Variants in SQSTM1 observed in about 807,000 individuals in gnomAD.
SQSTM1 encodes the protein sequestosome 1, also known as sequestosome-1.
Under a neutral mutation model 45.1 loss-of-function variants are expected in SQSTM1, and 36 were observed. The observed-to-expected ratio is 0.80, with a 90% CI of 0.61 to 1.05. SQSTM1 has a LOEUF of 1.05. Among genes scored for constraint, SQSTM1 ranks in the 50% least tolerant of loss-of-function variants. The probability of loss-of-function intolerance (pLI) is 0.00; values close to 1 mark genes in which losing one functional copy is unlikely to be tolerated. For missense variants in SQSTM1, 617 were observed against 607.1 expected, an observed-to-expected ratio of 1.02 and a Z score of -0.17; for synonymous variants, 290 against 244.3, an observed-to-expected ratio of 1.19 and a Z score of -1.74.
In SQSTM1 at chr5:179,837,415, C is replaced by T. The variant is rs1758635316; in HGVS notation, c.*822C>T. ...ATCACACATCATCATCGAAGTCTTC[C>T]CCAGTTATAAAGAGGTCACATAGTC... On this transcript the variant is annotated 3_prime_UTR_variant, in exon 8 of 8. Transcript: ENST00000389805. The T allele has an allele frequency of 3.8e-6, 6 of 1,596,914 alleles. No individual in the cohort carries two copies. The highest frequency in any genetic ancestry group is 5.1e-6 in the Non-Finnish European group (6 of 1,170,082).
At chr5:179,819,641 C>A (rs992301683), upstream of SQSTM1, among the ~76,000 whole-genome samples, 1 of 152,224 alleles carries the variant, frequency 6.6e-6, no homozygotes, top group Non-Finnish European at 1.5e-5. Context: ...CCAGCACGCC[C>A]CTCTGTGTCC....
chr5:179,823,242 G>A (rs924497481), intron 2 of SQSTM1, among the ~76,000 whole-genome samples, 189 bp downstream of exon 2: 3 of 151,914 alleles, frequency 2.0e-5, no homozygotes, highest in Non-Finnish European at 4.4e-5. Context: ...GAGGCGGGCA[G>A]GTCACCTGAG....
chr5:179,837,283 CAGTA>C lies in SQSTM1; in HGVS notation c.*694_*697del. ...CGTTTGCATAGAGAGAAATGATTGA[CAGTA>C]AGTTTATTGTTAATGGTTCTTACAG... On this transcript the variant is annotated 3_prime_UTR_variant, in exon 8 of 8. Coordinates refer to ENST00000389805, the MANE Select transcript of SQSTM1 (RefSeq NM_003900.5). 1.9e-6 allele frequency: 3 copies of C among 1,607,324 alleles called. No homozygotes were observed. Among genetic ancestry groups the C allele is most frequent in the Non-Finnish European group, 2.5e-6 (3 of 1,178,278 alleles).
rs781043093 is a variant in SQSTM1 at position 179,806,560 on chromosome 5, G to A, written c.-188G>A. On this transcript the variant is annotated 5_prime_UTR_variant, in exon 1 of 6. Transcript: ENST00000514093. The surrounding 1 kb of genome is among the most constrained non-coding windows in gnomAD (Gnocchi z 4.6). ...ACAGGCAGAAGAGCAGCAGCGTCAG[G>A]AAGGTGCCATTGCGGAGCCTCATCT... 9 of 1,311,684 alleles carry A rather than the reference G, an allele frequency of 6.9e-6. No homozygotes were observed. The South Asian group carries it at 1.2e-4, about 17-fold the overall frequency. 81.3% of individuals were successfully genotyped at this position (1,311,684 alleles called of 1,614,324 possible).
In SQSTM1 at chr5:179,836,490, C is replaced by CTGAT; in HGVS notation, c.1221_1224dup (p.Glu409Ter). 1 of 1,614,244 alleles carries CTGAT rather than the reference C, an allele frequency of 6.2e-7. No homozygotes were observed. Among genetic ancestry groups the CTGAT allele is most frequent in the African/African-American group, 1.3e-5 (1 of 75,052 alleles). The stretch of plus-strand genomic sequence containing the variant: ...TCCCAGATGCTGTCCATGGGCTTCT[C>CTGAT]TGATGAAGGCGGCTGGCTCACCAGG... On this transcript the variant is annotated frameshift_variant, in exon 8 of 8. Coordinates refer to ENST00000389805, the MANE Select transcript of SQSTM1 (RefSeq NM_003900.5). LOFTEE classifies it high-confidence loss of function.
chr5:179,809,019 G>A (rs1263231101), intron 1 of SQSTM1, among the ~76,000 whole-genome samples: 2 of 150,318 alleles, frequency 1.3e-5, no homozygotes, highest in Admixed American at 6.6e-5. Context: ...CACCACGCTC[G>A]GCTGATTTTT....
chr5:179,812,566 A>G (rs1234150514), intron 2 of SQSTM1: 1 of 152,188 alleles, frequency 6.6e-6, no homozygotes, highest in African/African-American at 2.4e-5. Context: ...GAGCCCGTCT[A>G]TGGTTTCAGC....
intron 1 of SQSTM1, among the ~76,000 whole-genome samples, chr5:179,809,551 C>T (rs1424494291): frequency 6.7e-6 from 1 of 149,830 alleles, no homozygotes; most frequent in Non-Finnish European, 1.5e-5. Context: ...GTTGGTCAGG[C>T]TGGTCTCAAA....
intron 1 of SQSTM1, chr5:179,821,537 C>T (rs1336639070): frequency 4.2e-6 from 2 of 481,236 alleles, no homozygotes. Flanking sequence ...TACACTGACA[C>T]CTTGCTGCGC....
intron 2 of SQSTM1, chr5:179,823,632 C>T: frequency 3.4e-6 from 2 of 589,004 alleles, no homozygotes; most frequent in South Asian, 4.0e-5. Flanking sequence ...GACAGGGCTC[C>T]TTGCTGCTGC....
At position 179,836,560 on chromosome 5, in the gene SQSTM1, C is replaced by G; in HGVS notation, c.1290C>G (p.Thr430=). ...ATGACATCGGAGCGGCTCTGGACAC[C>G]ATCCAGTATTCAAAGCATCCCCCGC... ...KNYDIGAALD[T]IQYSKHPPPL The change falls in exon 8 of 8, where the codon ACC becomes ACG. Residue 430 remains threonine (T), a synonymous_variant. Coordinates refer to ENST00000389805, the MANE Select transcript of SQSTM1 (RefSeq NM_003900.5). 2 of 1,614,130 alleles carry G rather than the reference C, an allele frequency of 1.2e-6. No individual in the cohort carries two copies. Among genetic ancestry groups the G allele is most frequent in the Non-Finnish European group, 1.7e-6 (2 of 1,180,022 alleles).
At position 179,825,190 on chromosome 5, in the gene SQSTM1, G is replaced by T; in HGVS notation, c.718G>T (p.Val240Phe). Residue 240 changes from valine (V) to phenylalanine (F), a missense_variant, in exon 5 of 8, where the codon GTT (valine) becomes TTT (phenylalanine). Transcript: ENST00000389805. Reference sequence around the variant, plus strand: ...TCCGAGTGTGAATTTCCTGAAGAACGTTGGGGAGAGTGTGGCAGCTGCCCT... The same window carrying T: ...TCCGAGTGTGAATTTCCTGAAGAACTTTGGGGAGAGTGTGGCAGCTGCCCT... ...EDPSVNFLKNVGESVAAALSP... is the reference protein window; with the variant it reads ...EDPSVNFLKNFGESVAAALSP... The T allele has an allele frequency of 1.2e-6, 2 of 1,614,104 alleles. No homozygotes were observed. Among genetic ancestry groups the T allele is most frequent in the Non-Finnish European group, 8.5e-7 (1 of 1,180,040 alleles).
In SQSTM1 at chr5:179,837,400, A is replaced by C. The variant is rs754632178; in HGVS notation, c.*807A>C. On this transcript the variant is annotated 3_prime_UTR_variant, in exon 8 of 8. Transcript: ENST00000389805. ...ACCTGCCAGTCCCAGATCACACATC[A>C]TCATCGAAGTCTTCCCCAGTTATAA... The C allele has an allele frequency of 6.3e-6, 10 of 1,590,708 alleles. No individual in the cohort carries two copies. Among genetic ancestry groups the C allele is most frequent in the Non-Finnish European group, 8.6e-6 (10 of 1,166,618 alleles).
At chr5:179,815,629 C>T (rs548846053), upstream of SQSTM1, among the ~76,000 whole-genome samples, 8 of 152,280 alleles carry the variant, frequency 5.3e-5, no homozygotes, top group African/African-American at 1.7e-4. Context: ...TTCCAGATGA[C>T]CCCAGTGTGC....
At chr5:179,821,462 A>C in intron 1 of SQSTM1, 1 of 577,098 alleles carries the variant, frequency 1.7e-6, no homozygotes, top group Admixed American at 2.2e-5. Context: ...GATTTTGGCA[A>C]GGACGCGCCG....
intron 1 of SQSTM1, chr5:179,808,431 T>A (rs1757278557): frequency 6.6e-6 from 1 of 152,236 alleles, no homozygotes. Flanking sequence ...TTCACAGGTG[T>A]CTTCTATTTG....
intron 1 of SQSTM1, chr5:179,811,532 T>A (rs1171755321): frequency 6.6e-6 from 1 of 152,544 alleles, no homozygotes; most frequent in Non-Finnish European, 1.5e-5. Flanking sequence ...TCCCTTTTTT[T>A]CCTTCTTGCC....
At chr5:179,834,154 A>AGG (rs1455402562) in intron 7 of SQSTM1, among the ~76,000 whole-genome samples, 26 of 55,586 alleles carry the variant, frequency 4.7e-4, no homozygotes, top group African/African-American at 2.0e-3. Flanking sequence ...TGCTGGTCTG[A>AGG]GAGGGGGGGG....
upstream of SQSTM1, chr5:179,820,032 GC>G: frequency 6.5e-6 from 1 of 153,006 alleles, no homozygotes. Flanking sequence ...CACTCGTCCT[GC>G]CCCTCTCCTT....
Sources: allele counts gnomAD v4.1 joint callset (sites outside exome capture counted in the v4.1 genomes callset), GRCh38; gene constraint gnomAD v4.1.1; non-coding constraint Gnocchi (gnomAD v3.1); transcripts MANE v1.5; gene names NCBI Gene and HGNC (gene_info 2026-07-23, HGNC 2026-07-21).